Variants in MTA3 observed in about 807,000 individuals in gnomAD.
MTA3 encodes the protein metastasis associated 1 family member 3, also known as metastasis-associated protein MTA3.
A neutral mutation model predicts 83.5 loss-of-function variants in MTA3; 34 were observed. The ratio of observed to expected loss-of-function variants is 0.41; its 90% CI spans 0.31 to 0.54. MTA3 has a LOEUF of 0.54. Ranked by LOEUF, MTA3 falls within the 20% of genes least tolerant of loss-of-function variation. MTA3 has a pLI of 0.33. For missense variants in MTA3, 761 were observed against 726.4 expected (o/e 1.05, Z -0.55); for synonymous variants, 303 against 252.7 (o/e 1.20, Z -1.89).
chr2:42,722,651 T>C (rs1323666627), intron 15 of MTA3, among the ~76,000 whole-genome samples: 1 of 152,162 alleles, frequency 6.6e-6, no homozygotes, highest in Non-Finnish European at 1.5e-5. Context: ...TTGTTTTTGC[T>C]TGTATTCACA....
intron 2 of MTA3, among the ~76,000 whole-genome samples, chr2:42,517,771 C>T (rs112370075): frequency 0.039 from 5,652 of 145,522 alleles, 128 homozygotes; most frequent in Middle Eastern, 0.085. Flanking sequence ...CCAGCTACTC[C>T]GGGAGACTGA....
chr2:42,603,528 A>T (rs548509793), intron 3 of MTA3, among the ~76,000 whole-genome samples: 1 of 152,260 alleles, frequency 6.6e-6, no homozygotes, highest in South Asian at 2.1e-4. Flanking sequence ...TAAATTTCTG[A>T]TGGGATCCTG....
intron 2 of MTA3, among the ~76,000 whole-genome samples, chr2:42,558,388 C>A (rs1190251477): frequency 6.6e-6 from 1 of 151,224 alleles, no homozygotes; most frequent in African/African-American, 2.4e-5. Context: ...CTAACTGGGA[C>A]TAAAGGCATG....
At chr2:42,551,085 AAATT>A (rs1362776534) in intron 2 of MTA3, among the ~76,000 whole-genome samples, 29 of 150,416 alleles carry the variant, frequency 1.9e-4, no homozygotes, top group Non-Finnish European at 3.9e-4. Flanking sequence ...ATAAATAAAT[AAATT>A]AAAATTTATG....
chr2:42,598,305 T>C (rs1682099877), intron 3 of MTA3, among the ~76,000 whole-genome samples: 1 of 151,896 alleles, frequency 6.6e-6, no homozygotes, highest in Non-Finnish European at 1.5e-5. Context: ...GACCTCGTGA[T>C]CCACCCGCCT....
intron 4 of MTA3, among the ~76,000 whole-genome samples, chr2:42,612,302 A>G (rs1352821990): frequency 6.6e-6 from 1 of 151,808 alleles, no homozygotes; most frequent in Non-Finnish European, 1.5e-5. Context: ...GCAGCCTTAA[A>G]CTCCTGGGCT....
At chr2:42,744,882 G>A (rs1399201829) in intron 16 of MTA3, among the ~76,000 whole-genome samples, 11 of 152,248 alleles carry the variant, frequency 7.2e-5, no homozygotes, top group East Asian at 5.8e-4. Context: ...ATCTGTTCAC[G>A]TCCTCATGAA....
intron 2 of MTA3, among the ~76,000 whole-genome samples, chr2:42,542,339 T>C (rs571349361): frequency 1.3e-5 from 2 of 152,222 alleles, no homozygotes; most frequent in African/African-American, 4.8e-5. Context: ...TATAATCCTA[T>C]GGAGAACTTC....
intron 9 of MTA3, among the ~76,000 whole-genome samples, chr2:42,688,662 A>G (rs895740866): frequency 9.2e-5 from 12 of 130,704 alleles, no homozygotes; most frequent in Non-Finnish European, 1.9e-4. Flanking sequence ...CAGCTTTTAT[A>G]TATCCTCCTT....
intron 7 of MTA3, among the ~76,000 whole-genome samples, chr2:42,659,002 G>C (rs945753189): frequency 6.6e-6 from 1 of 151,964 alleles, no homozygotes; most frequent in Non-Finnish European, 1.5e-5. Flanking sequence ...GGAAGCTGAG[G>C]TGGGAAGATT....
intron 2 of MTA3, among the ~76,000 whole-genome samples, chr2:42,525,310 G>A (rs888914062): frequency 6.6e-5 from 10 of 151,292 alleles, no homozygotes; most frequent in Non-Finnish European, 1.2e-4. Flanking sequence ...AGCAATTCTC[G>A]TGCCTCAGCC....
chr2:42,572,671 C>T (rs540203441), intron 2 of MTA3, among the ~76,000 whole-genome samples: 4 of 152,078 alleles, frequency 2.6e-5, no homozygotes, highest in East Asian at 1.9e-4. Flanking sequence ...CCGAGATGGT[C>T]GTTTATTAGG....
intron 14 of MTA3, among the ~76,000 whole-genome samples, chr2:42,710,865 G>A (rs1430418681): frequency 6.6e-6 from 1 of 152,078 alleles, no homozygotes; most frequent in African/African-American, 2.4e-5. Flanking sequence ...GATCACCTGA[G>A]GTCAGGAGTT....
chr2:42,535,711 T>A (rs1373943800), intron 2 of MTA3, among the ~76,000 whole-genome samples: 3 of 147,660 alleles, frequency 2.0e-5, no homozygotes, highest in African/African-American at 7.6e-5. Flanking sequence ...AAGAGGAGAA[T>A]GAATGTTGGA....
intron 15 of MTA3, among the ~76,000 whole-genome samples, chr2:42,720,679 C>T (rs1191602864): frequency 6.6e-6 from 1 of 151,956 alleles, no homozygotes; most frequent in African/African-American, 2.4e-5. Context: ...ATAGAATAGG[C>T]CGGGCATGGT....
At chr2:42,649,200 G>A (rs1688481952) in intron 6 of MTA3, among the ~76,000 whole-genome samples, 1 of 152,052 alleles carries the variant, frequency 6.6e-6, no homozygotes, top group East Asian at 1.9e-4. Flanking sequence ...TTCGAGACCA[G>A]TTTGACCAAC....
chr2:42,612,334 C>T (rs1013102293), intron 4 of MTA3, among the ~76,000 whole-genome samples: 7 of 152,056 alleles, frequency 4.6e-5, no homozygotes, highest in Non-Finnish European at 7.4e-5. Flanking sequence ...CCCACCTCAG[C>T]CTCCCGAGTA....
intron 3 of MTA3, among the ~76,000 whole-genome samples, chr2:42,597,912 G>T (rs890397675): frequency 3.3e-5 from 5 of 151,792 alleles, no homozygotes; most frequent in Non-Finnish European, 7.4e-5. Context: ...GAACTCCTGG[G>T]GTGAAGCGAT....
chr2:42,676,945 A>T (rs1190618130), intron 8 of MTA3, among the ~76,000 whole-genome samples: 9 of 152,174 alleles, frequency 5.9e-5, no homozygotes, highest in Non-Finnish European at 7.3e-5. Context: ...TCATGAGGTT[A>T]GTTATTAAGA....
Sources: gnomAD v4.1 joint callset for allele counts (sites outside exome capture counted in the v4.1 genomes callset) on GRCh38, gnomAD v4.1.1 for gene constraint, MANE v1.5 for transcripts, NCBI Gene and HGNC (gene_info 2026-07-23, HGNC 2026-07-21) for gene names.